The following ROBO2 variants were observed in gnomAD, a reference collection of about 807,000 sequenced individuals.
ROBO2 encodes the protein roundabout homolog 2.
Under a neutral mutation model 160.8 loss-of-function variants are expected in ROBO2, and 53 were observed. That is an observed-to-expected ratio of 0.33 (90% CI 0.26 to 0.41). The LOEUF (loss-of-function observed/expected upper bound fraction) is 0.41, where lower values mean the gene tolerates loss of function less well. Among genes scored for constraint, ROBO2 ranks in the 10% least tolerant of loss-of-function variants. The pLI is 1.00. For missense variants in ROBO2, 1,577 were observed against 1,722.4 expected (o/e 0.92, Z 1.49); for synonymous variants, 664 against 611.7 (o/e 1.09, Z -1.26).
intron 2 of ROBO2, among the ~76,000 whole-genome samples, chr3:76,073,595 A>G (rs9755934): frequency 0.63 from 95,408 of 151,804 alleles, 30,621 homozygotes; most frequent in Middle Eastern, 0.76. Flanking sequence ...CCGGCAGAGT[A>G]TTCTTCTTAA....
intron 2 of ROBO2, among the ~76,000 whole-genome samples, chr3:76,573,607 A>G (rs537075092): frequency 1.0e-3 from 157 of 150,818 alleles, no homozygotes; most frequent in African/African-American, 3.7e-3. Context: ...ATTTTTCTCC[A>G]CTGACTCTAT....
At chr3:76,554,537 C>A (rs919830634) in intron 2 of ROBO2, among the ~76,000 whole-genome samples, 1 of 152,146 alleles carries the variant, frequency 6.6e-6, no homozygotes, top group Non-Finnish European at 1.5e-5. Flanking sequence ...TGTCCCACTT[C>A]GTTGCCTACA....
chr3:76,900,461 A>C (rs1414377434), intron 2 of ROBO2, among the ~76,000 whole-genome samples: 4 of 152,128 alleles, frequency 2.6e-5, no homozygotes, highest in African/African-American at 9.7e-5. Flanking sequence ...AGTTGGGCCA[A>C]ATCAATAAAA....
rs534461683 is a variant in ROBO2 at position 77,033,589 on chromosome 3, A to G, written c.110-64425A>G. 4.1e-4 allele frequency among the ~76,000 whole-genome samples: 62 copies of G among 152,294 alleles called. No individual in the cohort carries two copies. The South Asian group carries it at 0.012, about 29-fold the overall frequency. ...GAGGCAAGCTAAAACAACAACAACAATAAGGAAACAAAATAGCCTCATGCT... is the reference window on the plus strand; with the variant it reads ...GAGGCAAGCTAAAACAACAACAACAGTAAGGAAACAAAATAGCCTCATGCT... On this transcript the variant is annotated intron_variant, in intron 2 of 26. Coordinates refer to the ROBO2 transcript ENST00000487694.
chr3:76,958,347 C>T (rs933655725), intron 2 of ROBO2, among the ~76,000 whole-genome samples: 1 of 152,194 alleles, frequency 6.6e-6, no homozygotes, highest in Non-Finnish European at 1.5e-5. Flanking sequence ...AAAAACAGAA[C>T]AGCCCCTGTT....
Position 76,083,570 on chromosome 3 carries a change from C to T in ROBO2, c.109+145968C>T, listed in dbSNP as rs559451855. On this transcript the variant is annotated intron_variant, in intron 2 of 26. Coordinates refer to the ROBO2 transcript ENST00000487694. ...TTTTAAATTTAAGTGTAGAAACTTA[C>T]TAAGCTTTTAGATTTCAAAAATATG... Among the ~76,000 whole-genome samples the T allele has an allele frequency of 4.9e-4, 74 of 152,204 alleles. 1 individual carries two copies. Among genetic ancestry groups the T allele is most frequent in the Non-Finnish European group, 1.6e-4 (11 of 67,982 alleles).
At chr3:76,203,273 C>CATGGTGAGAAAGG (rs1702628619) in intron 2 of ROBO2, among the ~76,000 whole-genome samples, 1 of 152,202 alleles carries the variant, frequency 6.6e-6, no homozygotes, top group African/African-American at 2.4e-5. Context: ...ACAAAAAACT[C>CATGGTGAGAAAGG]AGAAGGAGGA....
intron 1 of ROBO2, among the ~76,000 whole-genome samples, chr3:77,088,757 A>G (rs2069702503): frequency 6.6e-6 from 1 of 152,218 alleles, no homozygotes; most frequent in Non-Finnish European, 1.5e-5. Context: ...GGGTTTTCTA[A>G]GAATTCATGT....
At chr3:75,981,826 A>G (rs988203987) in intron 2 of ROBO2, among the ~76,000 whole-genome samples, 1 of 151,464 alleles carries the variant, frequency 6.6e-6, no homozygotes, top group Non-Finnish European at 1.5e-5. Context: ...ATTATTGACT[A>G]TAGTCACCCT....
intron 2 of ROBO2, among the ~76,000 whole-genome samples, chr3:76,376,812 T>A (rs999066568): frequency 2.6e-5 from 4 of 152,128 alleles, no homozygotes; most frequent in African/African-American, 9.7e-5. Flanking sequence ...CCATTTATGG[T>A]AAGCCATGTT....
At chr3:77,553,356 G>A (rs1375691175) in intron 8 of ROBO2, among the ~76,000 whole-genome samples, 1 of 151,802 alleles carries the variant, frequency 6.6e-6, no homozygotes, top group Non-Finnish European at 1.5e-5. Flanking sequence ...CTTTCCCTGA[G>A]CCTCCCTATT....
At chr3:77,130,340 C>T (rs1207309408) in intron 2 of ROBO2, among the ~76,000 whole-genome samples, 1 of 152,174 alleles carries the variant, frequency 6.6e-6, no homozygotes, top group African/African-American at 2.4e-5. Context: ...CTTTACGACA[C>T]ATTTTGAACT....
intron 2 of ROBO2, among the ~76,000 whole-genome samples, chr3:76,388,208 C>A (rs889511386): frequency 2.6e-5 from 4 of 151,448 alleles, no homozygotes; most frequent in African/African-American, 9.7e-5. Flanking sequence ...AAGGAAAATA[C>A]TTGTTGTAAA....
At chr3:77,435,756 C>T (rs1362916317) in intron 2 of ROBO2, among the ~76,000 whole-genome samples, 4 of 151,580 alleles carry the variant, frequency 2.6e-5, no homozygotes, top group Admixed American at 1.3e-4. Flanking sequence ...AAAAATGAAA[C>T]AGGGTGGACA....
intron 2 of ROBO2, among the ~76,000 whole-genome samples, chr3:76,960,749 AATTTACTT>A (rs1382504773): frequency 6.6e-6 from 1 of 152,188 alleles, no homozygotes; most frequent in Non-Finnish European, 1.5e-5. Context: ...TAATGTAAGA[AATTTACTT>A]ATTTTCTGAA....
intron 25 of ROBO2, among the ~76,000 whole-genome samples, chr3:77,645,798 T>C (rs116590930): frequency 0.011 from 1,641 of 152,332 alleles, 14 homozygotes; most frequent in Non-Finnish European, 0.017. Flanking sequence ...TCTTTAACTT[T>C]TTTTTGAAGT....
intron 1 of ROBO2, among the ~76,000 whole-genome samples, chr3:75,934,057 G>T (rs907522183): frequency 6.6e-6 from 1 of 152,172 alleles, no homozygotes; most frequent in Non-Finnish European, 1.5e-5. Flanking sequence ...AACTAATGTA[G>T]CTATTGGATA....
intron 2 of ROBO2, among the ~76,000 whole-genome samples, chr3:76,118,378 T>C (rs1476986445): frequency 1.3e-5 from 2 of 152,178 alleles, no homozygotes; most frequent in Non-Finnish European, 2.9e-5. Context: ...CAAATTCATA[T>C]ACATACTTTG....
chr3:76,248,640 A>G (rs1705783612), intron 2 of ROBO2, among the ~76,000 whole-genome samples: 1 of 142,554 alleles, frequency 7.0e-6, no homozygotes, highest in African/African-American at 2.7e-5. Flanking sequence ...TTGAAGTATA[A>G]TAATAAAAGA....
Sources: allele counts gnomAD v4.1 joint callset (sites outside exome capture counted in the v4.1 genomes callset), GRCh38; gene constraint gnomAD v4.1.1; transcripts MANE v1.5; gene names NCBI Gene and HGNC (gene_info 2026-07-23, HGNC 2026-07-21).